Variants in XRN2 observed in about 807,000 individuals in gnomAD.
XRN2 encodes 5'-3' exoribonuclease 2, also known as DHM1-like protein.
XRN2 carries 44 observed loss-of-function variants against 138.5 expected under a neutral mutation model. The ratio of observed to expected loss-of-function variants is 0.32; its 90% CI spans 0.25 to 0.41. The LOEUF (loss-of-function observed/expected upper bound fraction) is 0.41, where lower values mean the gene tolerates loss of function less well. Ranked by LOEUF, XRN2 falls within the 10% of genes least tolerant of loss-of-function variation. The pLI, the probability that XRN2 is intolerant of heterozygous loss-of-function variation, is 1.00. For synonymous variants in XRN2, 354 were observed against 369.4 expected (o/e 0.96, Z 0.48); for missense variants, 937 against 1,169.3 (o/e 0.80, Z 2.90).
chr20:21,350,355 T>A (rs777975057), intron 20 of XRN2, among the ~76,000 whole-genome samples: 52 of 151,550 alleles, frequency 3.4e-4, no homozygotes, highest in Non-Finnish European at 7.1e-4. Flanking sequence ...TGAAACACCG[T>A]CTCTACTAGA....
intron 8 of XRN2, 93 bp from the exon 9 acceptor site, chr20:21,332,190 G>A: frequency 6.8e-7 from 1 of 1,460,284 alleles, no homozygotes; most frequent in East Asian, 2.3e-5. Flanking sequence ...GCTCATTTGG[G>A]CTTTTCTTTG....
intron 28 of XRN2, among the ~76,000 whole-genome samples, chr20:21,384,474 CTTAT>C (rs1297263889): frequency 6.6e-6 from 1 of 151,954 alleles, no homozygotes; most frequent in African/African-American, 2.4e-5. Flanking sequence ...AATAAGTTGC[CTTAT>C]TTATTAACTT....
Position 21,326,270 on chromosome 20 carries a change from TC to T in XRN2, c.76-7del. The T allele has an allele frequency of 1.9e-6, 3 of 1,611,892 alleles. No homozygotes were observed. Among genetic ancestry groups the T allele is most frequent in the Non-Finnish European group, 2.5e-6 (3 of 1,178,632 alleles). ...AATCAAACTACTATTAATTATCACT[TC>T]CTCATAGCCAAAAGAATGCAATGGT... On this transcript the variant is annotated splice_polypyrimidine_tract_variant and splice_region_variant and intron_variant, in intron 1 of 29. Coordinates refer to ENST00000377191, the MANE Select transcript of XRN2 (RefSeq NM_012255.5).
intron 1 of XRN2, 139 bp downstream of exon 1, chr20:21,303,612 A>C: frequency 7.3e-7 from 1 of 1,373,734 alleles, no homozygotes; most frequent in African/African-American, 1.5e-5. Context: ...GAGCAGTCGC[A>C]GCCCCACACG....
At chr20:21,314,299 T>C (rs2037927865) in intron 1 of XRN2, among the ~76,000 whole-genome samples, 2 of 152,382 alleles carry the variant, frequency 1.3e-5, no homozygotes, top group East Asian at 1.9e-4. Flanking sequence ...ACTGTGCCAT[T>C]GTATGGATAT....
chr20:21,341,604 A>G (rs931670083), intron 15 of XRN2, among the ~76,000 whole-genome samples: 2 of 152,240 alleles, frequency 1.3e-5, no homozygotes, highest in African/African-American at 4.8e-5. Context: ...TGGGACAGCA[A>G]CAGGGCTGAG....
chr20:21,353,225 T>A (rs910133191), intron 20 of XRN2, among the ~76,000 whole-genome samples: 17 of 5,592 alleles, frequency 3.0e-3, no homozygotes, highest in Non-Finnish European at 7.7e-3. Context: ...GTGGGTAGGA[T>A]ATATATATAT....
In XRN2 at chr20:21,365,412, C is replaced by A. The variant is rs750617678; in HGVS notation, c.2256-9C>A. ...TCAGATCATTGAATTGTTTCTTGTT[C>A]TTTTCCAGTATTAATTTTAAAGACC... On this transcript the variant is annotated splice_polypyrimidine_tract_variant and intron_variant, in intron 24 of 29. Coordinates refer to ENST00000377191, the MANE Select transcript of XRN2 (RefSeq NM_012255.5). 7 of 1,611,254 alleles carry A rather than the reference C, an allele frequency of 4.3e-6. No homozygotes were observed. The highest frequency in any genetic ancestry group is 5.9e-6 in the Non-Finnish European group (7 of 1,178,966).
At chr20:21,336,267 C>T (rs1264360684) in intron 13 of XRN2, among the ~76,000 whole-genome samples, 2 of 152,152 alleles carry the variant, frequency 1.3e-5, no homozygotes, top group Non-Finnish European at 1.5e-5. Flanking sequence ...TGAGACCAGC[C>T]TGGCCAACTT....
At chr20:21,363,935 TA>T (rs1360439060) in intron 24 of XRN2, among the ~76,000 whole-genome samples, 1 of 152,178 alleles carries the variant, frequency 6.6e-6, no homozygotes, top group African/African-American at 2.4e-5. Flanking sequence ...ATTCTGTTAC[TA>T]AATTTTTTTT....
intron 1 of XRN2, among the ~76,000 whole-genome samples, chr20:21,312,286 GTATT>G (rs1330855763): frequency 6.6e-6 from 1 of 151,712 alleles, no homozygotes; most frequent in East Asian, 2.0e-4. Context: ...CTAAGTTTTT[GTATT>G]TATTTATTTT....
At chr20:21,355,917 A>G (rs994925745) in intron 21 of XRN2, among the ~76,000 whole-genome samples, 163 bp from the exon 22 acceptor site, 7 of 152,340 alleles carry the variant, frequency 4.6e-5, no homozygotes, top group Middle Eastern at 3.4e-3. Context: ...ATCAAATACT[A>G]GAACTTACTC....
At chr20:21,373,464 T>C (rs1658337001) in intron 27 of XRN2, among the ~76,000 whole-genome samples, 1 of 152,238 alleles carries the variant, frequency 6.6e-6, no homozygotes, top group African/African-American at 2.4e-5. Context: ...TAAACACTCA[T>C]GATGGATATG....
intron 13 of XRN2, among the ~76,000 whole-genome samples, chr20:21,336,382 A>G (rs939935109): frequency 3.3e-5 from 5 of 152,146 alleles, no homozygotes; most frequent in African/African-American, 9.7e-5. Context: ...GAATTGCTTG[A>G]ACCCAAGAGG....
chr20:21,306,461 C>T (rs1450644686), intron 1 of XRN2, among the ~76,000 whole-genome samples: 3 of 75,084 alleles, frequency 4.0e-5, no homozygotes, highest in Admixed American at 1.6e-4. Context: ...ATATTAGGTT[C>T]CCTCAGAACT....
intron 1 of XRN2, among the ~76,000 whole-genome samples, chr20:21,316,693 A>G (rs1283731265): frequency 1.3e-5 from 2 of 152,244 alleles, no homozygotes; most frequent in Admixed American, 6.5e-5. Flanking sequence ...TGTTGATTAC[A>G]GAGCACGTTG....
chr20:21,313,469 AT>A (rs2037914366), intron 1 of XRN2, among the ~76,000 whole-genome samples: 1 of 152,232 alleles, frequency 6.6e-6, no homozygotes, highest in Admixed American at 6.5e-5. Context: ...ATTTGCAAAT[AT>A]GGGATTCATG....
At position 21,381,989 on chromosome 20, in the gene XRN2, T is replaced by G; in HGVS notation, c.2585-5T>G. 6.2e-7 allele frequency: 1 copy of G among 1,606,326 alleles called. No homozygotes were observed. The highest frequency in any genetic ancestry group is 8.5e-7 in the Non-Finnish European group (1 of 1,176,584). ...CTTCTTAACCCTTTCCTGTTTCTTTTTCAGATATGAGGCCCCAGGATTCCT... is the reference window on the plus strand; with the variant it reads ...CTTCTTAACCCTTTCCTGTTTCTTTGTCAGATATGAGGCCCCAGGATTCCT... On this transcript the variant is annotated splice_region_variant and splice_polypyrimidine_tract_variant and intron_variant, in intron 27 of 29. Coordinates refer to ENST00000377191, the MANE Select transcript of XRN2 (RefSeq NM_012255.5).
chr20:21,324,444 G>T (rs2038093631), intron 1 of XRN2, among the ~76,000 whole-genome samples: 1 of 150,526 alleles, frequency 6.6e-6, no homozygotes, highest in Non-Finnish European at 1.5e-5. Flanking sequence ...GAGCAATATT[G>T]AATGCTGTTT....
Sources: gnomAD v4.1 joint callset for allele counts (sites outside exome capture counted in the v4.1 genomes callset) on GRCh38, gnomAD v4.1.1 for gene constraint, MANE v1.5 for transcripts, NCBI Gene and HGNC (gene_info 2026-07-23, HGNC 2026-07-21) for gene names.